Variants in DTNA observed in about 807,000 individuals in gnomAD.
DTNA encodes dystrophin-related protein 3.
Under a neutral mutation model 100.7 loss-of-function variants are expected in DTNA, and 43 were observed. The ratio of observed to expected loss-of-function variants is 0.43; its 90% CI spans 0.33 to 0.55. DTNA has a LOEUF of 0.55. Ranked by LOEUF, DTNA falls within the 20% of genes least tolerant of loss-of-function variation. The pLI, the probability that DTNA is intolerant of heterozygous loss-of-function variation, is 0.04. For missense variants in DTNA, 798 were observed against 953.9 expected (o/e 0.84, Z 2.15); for synonymous variants, 349 against 347.9 (o/e 1.00, Z -0.04).
intron 2 of DTNA, among the ~76,000 whole-genome samples, chr18:34,762,946 G>A (rs2093272732): frequency 6.6e-6 from 1 of 152,092 alleles, no homozygotes; most frequent in Non-Finnish European, 1.5e-5. Context: ...ACTGCATCCT[G>A]GAGAAGTGCA....
intron 1 of DTNA, among the ~76,000 whole-genome samples, chr18:34,674,306 G>A (rs1229224898): frequency 1.3e-5 from 2 of 152,188 alleles, no homozygotes; most frequent in Non-Finnish European, 2.9e-5. Context: ...GGGGCTTGAA[G>A]AAATAAGCTA....
chr18:34,807,723 C>T (rs528114204), intron 5 of DTNA, among the ~76,000 whole-genome samples: 147 of 152,176 alleles, frequency 9.7e-4, no homozygotes, highest in Non-Finnish European at 9.1e-4. Flanking sequence ...CCTAGCCAGA[C>T]CTTAGGAGGA....
rs527817184 is a variant in DTNA at position 34,670,276 on chromosome 18, G to A, written c.-1-85700G>A. 7.9e-5 allele frequency among the ~76,000 whole-genome samples: 12 copies of A among 152,210 alleles called. No homozygotes were observed. The South Asian group carries it at 2.5e-3, about 32-fold the overall frequency. ...GTGCCATGGTTTTCAGCTCCATCAGGTCCTTTAAGGACTTCTCTGCATTGG... is the reference window on the plus strand; with the variant it reads ...GTGCCATGGTTTTCAGCTCCATCAGATCCTTTAAGGACTTCTCTGCATTGG... On this transcript the variant is annotated intron_variant, in intron 1 of 19. Transcript: ENST00000283365.
chr18:34,608,326 A>G (rs897921008), intron 1 of DTNA, among the ~76,000 whole-genome samples: 2 of 152,200 alleles, frequency 1.3e-5, no homozygotes, highest in South Asian at 4.1e-4. Flanking sequence ...TGCCAGGAAG[A>G]AAGATTTTAA....
intron 16 of DTNA, among the ~76,000 whole-genome samples, chr18:34,862,460 T>C (rs923017220): frequency 2.0e-5 from 3 of 151,606 alleles, no homozygotes; most frequent in Admixed American, 1.3e-4. Flanking sequence ...ATAAATTTAT[T>C]CAAAAAGAAT....
At chr18:34,728,128 G>T (rs924743832) in intron 1 of DTNA, among the ~76,000 whole-genome samples, 3 of 152,126 alleles carry the variant, frequency 2.0e-5, no homozygotes, top group African/African-American at 7.2e-5. Flanking sequence ...ATTTGAAATT[G>T]CATACTCAAT....
chr18:34,865,956 G>A (rs147415048), intron 17 of DTNA, among the ~76,000 whole-genome samples: 173 of 152,368 alleles, frequency 1.1e-3, no homozygotes, highest in Admixed American at 4.0e-3. Flanking sequence ...AAATAACCAA[G>A]TAGACTTGGA....
chr18:34,880,580 A>G (rs2096863084), intron 20 of DTNA, among the ~76,000 whole-genome samples: 1 of 152,202 alleles, frequency 6.6e-6, no homozygotes, highest in African/African-American at 2.4e-5. Flanking sequence ...TTAATATGAA[A>G]AGTACTTCAG....
chr18:34,615,398 A>G (rs1264151441), intron 1 of DTNA, among the ~76,000 whole-genome samples: 1 of 152,052 alleles, frequency 6.6e-6, no homozygotes, highest in Non-Finnish European at 1.5e-5. Context: ...CATGCAAACT[A>G]TATCATCTTA....
At position 34,595,774 on chromosome 18, in the gene DTNA, G is replaced by A. The variant is rs76059478; in HGVS notation, c.-2+102260G>A. 9.2e-5 allele frequency among the ~76,000 whole-genome samples: 14 copies of A among 152,308 alleles called. No individual in the cohort carries two copies. In the East Asian group the frequency reaches 2.7e-3, roughly 29 times the overall value. ...AGTAAGTTGAGATCTAAGTGATAAT[G>A]TTTTCCTCCAGAGAAGACTTTGGTT... On this transcript the variant is annotated intron_variant, in intron 1 of 19. Transcript: ENST00000283365.
chr18:34,745,636 C>T (rs1047511967), intron 1 of DTNA, among the ~76,000 whole-genome samples: 1 of 152,144 alleles, frequency 6.6e-6, no homozygotes, highest in Non-Finnish European at 1.5e-5. Flanking sequence ...TTCACTGTTC[C>T]ACCTTAGCCT....
At chr18:34,642,548 T>C (rs1171675958) in intron 1 of DTNA, among the ~76,000 whole-genome samples, 1 of 151,372 alleles carries the variant, frequency 6.6e-6, no homozygotes, top group Non-Finnish European at 1.5e-5. Flanking sequence ...CTTCCTTCCT[T>C]CTTTCTTTCT....
At chr18:34,818,414 A>T in intron 8 of DTNA, 84 bp downstream of exon 8, 1 of 1,560,808 alleles carries the variant, frequency 6.4e-7, no homozygotes, top group Non-Finnish European at 8.7e-7. Flanking sequence ...TGGTGGCAGA[A>T]TTAAAGGGCA....
intron 1 of DTNA, among the ~76,000 whole-genome samples, chr18:34,629,493 G>A (rs935825147): frequency 2.6e-5 from 4 of 152,128 alleles, no homozygotes; most frequent in Non-Finnish European, 5.9e-5. Context: ...GCCCTAGCTC[G>A]GAAGATATCT....
intron 1 of DTNA, among the ~76,000 whole-genome samples, chr18:34,613,195 A>C (rs2054572320): frequency 1.3e-5 from 2 of 152,142 alleles, no homozygotes; most frequent in African/African-American, 4.8e-5. Flanking sequence ...CATGAACTAC[A>C]CTCATATAAG....
chr18:34,855,928 A>G (rs535444125), intron 15 of DTNA, among the ~76,000 whole-genome samples: 2 of 147,852 alleles, frequency 1.4e-5, no homozygotes, highest in Non-Finnish European at 3.0e-5. Flanking sequence ...CCCCAGAGAT[A>G]TCTGCCTCCA....
intron 1 of DTNA, among the ~76,000 whole-genome samples, chr18:34,710,965 G>A (rs1324282186): frequency 6.6e-6 from 1 of 151,892 alleles, no homozygotes; most frequent in Admixed American, 6.6e-5. Context: ...ATATTATTGC[G>A]AGCCTCATCT....
chr18:34,653,540 G>C (rs560424677), intron 1 of DTNA, among the ~76,000 whole-genome samples: 1 of 152,132 alleles, frequency 6.6e-6, no homozygotes, highest in African/African-American at 2.4e-5. Context: ...ATACCACTGA[G>C]GGTCAGGTGC....
At chr18:34,601,538 C>T (rs993626187) in intron 1 of DTNA, among the ~76,000 whole-genome samples, 34 of 152,278 alleles carry the variant, frequency 2.2e-4, no homozygotes, top group East Asian at 9.7e-4. Context: ...ATGTAGAGCT[C>T]TGAGGAATTT....
Sources: gnomAD v4.1 joint callset for allele counts (sites outside exome capture counted in the v4.1 genomes callset) on GRCh38, gnomAD v4.1.1 for gene constraint, MANE v1.5 for transcripts, NCBI Gene and HGNC (gene_info 2026-07-23, HGNC 2026-07-21) for gene names.